APLF: variants seen among roughly 807,000 people sequenced by gnomAD.
APLF encodes the protein aprataxin and PNK-like factor.
APLF carries 61 observed loss-of-function variants against 55.6 expected under a neutral mutation model. The observed-to-expected ratio is 1.10, with a 90% CI of 0.89 to 1.36. The LOEUF (loss-of-function observed/expected upper bound fraction) is 1.36. Ranked by LOEUF, APLF falls within the 40% of genes most tolerant of loss-of-function variation. The pLI is 0.00. For missense variants in APLF, 611 were observed against 602.5 expected (o/e 1.01, Z -0.15); for synonymous variants, 207 against 214.8 (o/e 0.96, Z 0.32).
At chr2:68,575,841 G>C (rs1159133748) in intron 9 of APLF, among the ~76,000 whole-genome samples, 1 of 152,164 alleles carries the variant, frequency 6.6e-6, no homozygotes, top group Non-Finnish European at 1.5e-5. Context: ...TCCAAGTACA[G>C]ATAATGCTTA....
intron 1 of APLF, among the ~76,000 whole-genome samples, chr2:68,483,855 A>C (rs144079773): frequency 1.3e-5 from 2 of 152,286 alleles, no homozygotes; most frequent in African/African-American, 2.4e-5. Flanking sequence ...AATTAATGCG[A>C]TATATTATAC....
At chr2:68,576,574 T>C (rs1671630877) in intron 9 of APLF, among the ~76,000 whole-genome samples, 1 of 152,162 alleles carries the variant, frequency 6.6e-6, no homozygotes, top group African/African-American at 2.4e-5. Context: ...CTGCTTTTTA[T>C]GTTTTTGGTT....
intron 9 of APLF, among the ~76,000 whole-genome samples, chr2:68,570,707 G>T (rs1484787912): frequency 6.6e-6 from 1 of 152,068 alleles, no homozygotes; most frequent in Non-Finnish European, 1.5e-5. Context: ...TGGACATTTG[G>T]GTTAGTTCCA....
intron 3 of APLF, among the ~76,000 whole-genome samples, chr2:68,508,177 GAA>G (rs1435050273): frequency 1.3e-5 from 2 of 151,798 alleles, no homozygotes; most frequent in African/African-American, 4.8e-5. Flanking sequence ...TAGAAAAAAA[GAA>G]AAGAGTTGGA....
At chr2:68,531,796 A>G (rs1670265082) in intron 6 of APLF, among the ~76,000 whole-genome samples, 1 of 152,222 alleles carries the variant, frequency 6.6e-6, no homozygotes, top group African/African-American at 2.4e-5. Context: ...ATAAGGTTTG[A>G]TAATCACAAG....
chr2:68,578,556 C>A lies in APLF; in HGVS notation c.*534C>A. On this transcript the variant is annotated 3_prime_UTR_variant, in exon 10 of 10. Transcript: ENST00000303795. ...CACTTACTACTTTTATCCTTCAAAA[C>A]TTGGGAAGATTGGTTCCAAATGGGT... is the stretch of plus-strand genomic sequence containing the variant. The A allele has an allele frequency of 1.0e-6, 1 of 985,238 alleles. No individual in the cohort carries two copies. Among genetic ancestry groups the A allele is most frequent in the Non-Finnish European group, 1.2e-6 (1 of 830,108 alleles). The allele number at this position is 985,238 out of a possible 1,614,324, so 61.0% of individuals were successfully genotyped here.
intron 1 of APLF, among the ~76,000 whole-genome samples, chr2:68,472,014 G>A (rs1346140523): frequency 4.6e-5 from 7 of 152,174 alleles, no homozygotes; most frequent in Admixed American, 3.3e-4. Context: ...ACAACCCAAA[G>A]CAGGGGCTTC....
At chr2:68,485,104 TTATTA>T (rs1289109531) in intron 1 of APLF, among the ~76,000 whole-genome samples, 2 of 152,142 alleles carry the variant, frequency 1.3e-5, no homozygotes, top group African/African-American at 2.4e-5. Context: ...CTATATTCTG[TTATTA>T]TATTCTAGAA....
At chr2:68,489,332 A>G (rs1676282914) in intron 1 of APLF, among the ~76,000 whole-genome samples, 1 of 152,224 alleles carries the variant, frequency 6.6e-6, no homozygotes, top group Non-Finnish European at 1.5e-5. Context: ...AGTGCTGAAT[A>G]TCAAGGTTAC....
At chr2:68,560,187 G>T (rs756485575) in intron 8 of APLF, among the ~76,000 whole-genome samples, 16 of 152,042 alleles carry the variant, frequency 1.1e-4, no homozygotes, top group Admixed American at 2.6e-4. Flanking sequence ...ATCACTTCCT[G>T]AAATTATAAA....
intron 2 of APLF, among the ~76,000 whole-genome samples, chr2:68,501,889 T>G (rs1231292806): frequency 6.6e-6 from 1 of 152,152 alleles, no homozygotes; most frequent in African/African-American, 2.4e-5. Context: ...TGAGGCTAGG[T>G]AATTTATAAT....
chr2:68,541,894 A>G (rs1368897532), intron 7 of APLF, among the ~76,000 whole-genome samples: 1 of 152,220 alleles, frequency 6.6e-6, no homozygotes, highest in East Asian at 1.9e-4. Flanking sequence ...AAAATGTATT[A>G]CAAAGCCACA....
intron 6 of APLF, among the ~76,000 whole-genome samples, chr2:68,527,438 T>A (rs1670096056): frequency 6.7e-6 from 1 of 149,828 alleles, no homozygotes; most frequent in Non-Finnish European, 1.5e-5. Flanking sequence ...GAGGTGCTCG[T>A]CACTTCCCAG....
chr2:68,515,571 C>A (rs1355563545), intron 5 of APLF: 1 of 984,034 alleles, frequency 1.0e-6, no homozygotes, highest in Non-Finnish European at 1.2e-6. Context: ...AATACGTTTT[C>A]TTTCCCTTGG....
Position 68,579,036 on chromosome 2 carries a change from G to T in APLF, c.*1014G>T. On this transcript the variant is annotated 3_prime_UTR_variant, in exon 10 of 10. Coordinates refer to ENST00000303795, the MANE Select transcript of APLF (RefSeq NM_173545.3). ...GTTTAGAATCTTTAATAACAGTTGG[G>T]TTGTGTACACAGAGCAGGAGATATT... 1 of 984,908 alleles carries T rather than the reference G, an allele frequency of 1.0e-6. No individual in the cohort carries two copies. The highest frequency in any genetic ancestry group is 1.2e-6 in the Non-Finnish European group (1 of 829,538). The allele number at this position is 984,908 out of a possible 1,614,324, so 61.0% of individuals were successfully genotyped here. A position where few individuals can be genotyped will look rare whatever the true frequency, so the allele number is the denominator to read the frequency against.
intron 8 of APLF, among the ~76,000 whole-genome samples, chr2:68,559,457 A>T (rs557789717): frequency 2.4e-4 from 37 of 152,258 alleles, no homozygotes; most frequent in African/African-American, 8.9e-4. Flanking sequence ...TAATAGGTAG[A>T]TCAAATTTAC....
In APLF at chr2:68,471,396, G is replaced by C. The variant is rs114234864; in HGVS notation, c.96+3569G>C. Among the ~76,000 whole-genome samples the C allele has an allele frequency of 6.5e-3, 986 of 152,284 alleles. 7 individuals are homozygous for C. The highest frequency in any genetic ancestry group is 0.023 in the African/African-American group (939 of 41,550). ...CTATGGTTGGATGGGAGGGAGTATA[G>C]GAGAAATAAAGGTGAATGAGAAACA... is the stretch of plus-strand genomic sequence containing the variant. On this transcript the variant is annotated intron_variant, in intron 1 of 9. Coordinates refer to ENST00000303795, the MANE Select transcript of APLF (RefSeq NM_173545.3).
intron 6 of APLF, among the ~76,000 whole-genome samples, chr2:68,537,655 C>A (rs10182435): frequency 0.083 from 12,675 of 152,144 alleles, 586 homozygotes; most frequent in Middle Eastern, 0.12. Flanking sequence ...CAGGCCTGAG[C>A]CACCGTGCCT....
chr2:68,500,252 A>G (rs1226585825), intron 2 of APLF, among the ~76,000 whole-genome samples: 2 of 152,284 alleles, frequency 1.3e-5, no homozygotes, highest in East Asian at 3.9e-4. Context: ...CTTGAGTATC[A>G]TTTTTACTCT....
Sources: gnomAD v4.1 joint callset for allele counts (sites outside exome capture counted in the v4.1 genomes callset) on GRCh38, gnomAD v4.1.1 for gene constraint, MANE v1.5 for transcripts, NCBI Gene and HGNC (gene_info 2026-07-23, HGNC 2026-07-21) for gene names.